ARMC9: variants seen among roughly 807,000 people sequenced by gnomAD.
ARMC9 encodes armadillo repeat containing 9.
Under a neutral mutation model 107.0 loss-of-function variants are expected in ARMC9, and 94 were observed. The observed-to-expected ratio is 0.88, with a 90% CI of 0.74 to 1.04. ARMC9 has a LOEUF of 1.04. Ranked by LOEUF, ARMC9 falls within the 50% of genes least tolerant of loss-of-function variation. ARMC9 has a pLI of 0.00. For missense variants in ARMC9, 942 were observed against 1,030.1 expected, an observed-to-expected ratio of 0.91 and a Z score of 1.17; for synonymous variants, 380 against 396.9, an observed-to-expected ratio of 0.96 and a Z score of 0.51.
chr2:231,339,067 C>T (rs892987982), intron 20 of ARMC9, among the ~76,000 whole-genome samples: 7 of 152,114 alleles, frequency 4.6e-5, no homozygotes, highest in Admixed American at 6.5e-5. Context: ...TGGTGGCTCA[C>T]GCCTGTAATC....
chr2:231,359,090 T>G (rs1466838755), intron 22 of ARMC9, among the ~76,000 whole-genome samples: 2 of 146,848 alleles, frequency 1.4e-5, no homozygotes, highest in East Asian at 3.9e-4. Flanking sequence ...CTGTTTTTTT[T>G]TTTTTTTTTT....
chr2:231,227,479 A>G lies in ARMC9; in HGVS notation c.622+681A>G, dbSNP rs537151838. Among the ~76,000 whole-genome samples, 4 of 152,368 alleles carry G rather than the reference A, an allele frequency of 2.6e-5. No homozygotes were observed. In the East Asian group the frequency reaches 7.7e-4, roughly 29 times the overall value. On this transcript the variant is annotated intron_variant, in intron 7 of 24. Coordinates refer to ENST00000611582, the MANE Select transcript of ARMC9 (RefSeq NM_001352754.2). The stretch of plus-strand genomic sequence containing the variant: ...CATCCCTCTGGTGAGTATTGATGGC[A>G]TAACCCTCAGTTCCCAGTAGGTGGA...
At chr2:231,351,756 G>C (rs1412550925) in intron 21 of ARMC9, among the ~76,000 whole-genome samples, 1 of 151,964 alleles carries the variant, frequency 6.6e-6, no homozygotes, top group African/African-American at 2.4e-5. Flanking sequence ...TGCCATTTCT[G>C]ACATTCGTTT....
chr2:231,308,373 G>A (rs1282716057), intron 19 of ARMC9, among the ~76,000 whole-genome samples: 1 of 152,194 alleles, frequency 6.6e-6, no homozygotes, highest in African/African-American at 2.4e-5. Context: ...GTAGCTGGTG[G>A]GACAGAGATT....
At chr2:231,327,980 T>TC (rs1204558567) in intron 19 of ARMC9, among the ~76,000 whole-genome samples, 1 of 152,154 alleles carries the variant, frequency 6.6e-6, no homozygotes, top group Non-Finnish European at 1.5e-5. Flanking sequence ...AGACGGTGTT[T>TC]CGCCATGTTG....
intron 17 of ARMC9, among the ~76,000 whole-genome samples, chr2:231,283,662 T>G (rs1045238446): frequency 6.6e-6 from 1 of 152,126 alleles, no homozygotes; most frequent in African/African-American, 2.4e-5. Context: ...GCTCCTAACC[T>G]CAAGTGATCC....
At chr2:231,311,880 A>T (rs1394532776) in intron 19 of ARMC9, among the ~76,000 whole-genome samples, 2 of 151,950 alleles carry the variant, frequency 1.3e-5, no homozygotes, top group Non-Finnish European at 2.9e-5. Context: ...GATTCACCCA[A>T]TCCCAGCCTG....
intron 7 of ARMC9, among the ~76,000 whole-genome samples, chr2:231,227,717 C>T (rs2034781444): frequency 6.6e-6 from 1 of 152,210 alleles, no homozygotes. Flanking sequence ...GGTTTGTCAA[C>T]CTCAGGGAGA....
intron 1 of ARMC9, 68 bp from the exon 2 acceptor site, chr2:231,206,130 C>T (rs2031952717): frequency 7.1e-6 from 7 of 984,278 alleles, no homozygotes; most frequent in Non-Finnish European, 9.8e-6. Context: ...CTGCTCACCA[C>T]AACCACCTTT....
At chr2:231,357,683 C>T (rs2045399459) in intron 22 of ARMC9, among the ~76,000 whole-genome samples, 1 of 152,200 alleles carries the variant, frequency 6.6e-6, no homozygotes, top group East Asian at 1.9e-4. Flanking sequence ...AGCGATCCTC[C>T]CGCATCAGCT....
intron 16 of ARMC9, among the ~76,000 whole-genome samples, chr2:231,279,942 A>G (rs1407652923): frequency 6.6e-6 from 1 of 152,158 alleles, no homozygotes; most frequent in Non-Finnish European, 1.5e-5. Flanking sequence ...TTCATTTTAT[A>G]TTTTAAAGCT....
chr2:231,293,169 A>G (rs2041136227), intron 18 of ARMC9, among the ~76,000 whole-genome samples: 1 of 152,328 alleles, frequency 6.6e-6, no homozygotes, highest in Middle Eastern at 3.4e-3. Flanking sequence ...AATTCATCCC[A>G]AATTCAGGTG....
intron 20 of ARMC9, among the ~76,000 whole-genome samples, chr2:231,337,457 C>T (rs1189647470): frequency 5.5e-5 from 8 of 144,626 alleles, no homozygotes; most frequent in Admixed American, 2.0e-4. Flanking sequence ...CCACCACGCC[C>T]GGCTAATTTT....
At chr2:231,225,902 G>A (rs2034596531) in intron 6 of ARMC9, among the ~76,000 whole-genome samples, 1 of 152,216 alleles carries the variant, frequency 6.6e-6, no homozygotes, top group Non-Finnish European at 1.5e-5. Flanking sequence ...TGTCACCCAT[G>A]CTGGAGTGAA....
chr2:231,319,169 T>C (rs150666181), intron 19 of ARMC9, among the ~76,000 whole-genome samples: 117 of 152,240 alleles, frequency 7.7e-4, no homozygotes, highest in African/African-American at 2.7e-3. Flanking sequence ...GTTTACTAAT[T>C]TACAGTGAGA....
Position 231,235,346 on chromosome 2 carries a change from G to A in ARMC9, c.745G>A (p.Val249Met), listed in dbSNP as rs147006089. Residue 249 changes from valine (V) to methionine (M), a missense_variant, in exon 8 of 25, where the codon GTG becomes ATG. Val to Met is a conservative substitution (Grantham distance 21). Coordinates refer to ENST00000611582, the MANE Select transcript of ARMC9 (RefSeq NM_001352754.2). ...TCTCATTGGAGTCACAGCAGAGCTG[G>A]TGGATTCTCTAGAGGCCACAGTCAG... ...HNLIGVTAEL[V>M]DSLEATVSGK... The A allele has an allele frequency of 2.5e-6, 4 of 1,614,094 alleles. No homozygotes were observed. The African/African-American group carries it at 4.0e-5, about 16-fold the overall frequency.
In ARMC9 at chr2:231,278,376, CCA is replaced by C; in HGVS notation, c.1475-5_1475-4del. 1 of 1,613,958 alleles carries C rather than the reference CCA, an allele frequency of 6.2e-7. No homozygotes were observed. Among genetic ancestry groups the C allele is most frequent in the Non-Finnish European group, 8.5e-7 (1 of 1,179,888 alleles). ...GTCATGTTTAGCTTTGATTTGTTTC[CCA>C]TAGGGAAGAACATGTGTGCCAAGGT... On this transcript the variant is annotated splice_polypyrimidine_tract_variant and splice_region_variant and intron_variant, in intron 15 of 24. Coordinates refer to ENST00000611582, the MANE Select transcript of ARMC9 (RefSeq NM_001352754.2).
Position 231,360,022 on chromosome 2 carries a change from C to T in ARMC9, c.2132-732C>T, listed in dbSNP as rs113891321. ...AGCCTCTGTCACAGTGTCGCTGCAG[C>T]AGTGACATGGACCCCTTCAGCTGTA... is the stretch of plus-strand genomic sequence containing the variant. On this transcript the variant is annotated intron_variant, in intron 22 of 24. Coordinates refer to ENST00000611582, the MANE Select transcript of ARMC9 (RefSeq NM_001352754.2). This position sits in a 1 kb window ranked among gnomAD's most constrained non-coding sequence, Gnocchi z 4.7. Among the ~76,000 whole-genome samples the T allele has an allele frequency of 4.6e-5, 7 of 152,254 alleles. No individual in the cohort carries two copies. The highest frequency in any genetic ancestry group is 1.7e-4 in the African/African-American group (7 of 41,552).
At chr2:231,240,807 C>G (rs1210933724) in intron 9 of ARMC9, among the ~76,000 whole-genome samples, 3 of 152,184 alleles carry the variant, frequency 2.0e-5, no homozygotes, top group African/African-American at 7.2e-5. Flanking sequence ...GTTGGCACAG[C>G]TCTTAGCCTC....
Sources: allele counts gnomAD v4.1 joint callset (sites outside exome capture counted in the v4.1 genomes callset), GRCh38; gene constraint gnomAD v4.1.1; non-coding constraint Gnocchi (gnomAD v3.1); transcripts MANE v1.5; gene names NCBI Gene and HGNC (gene_info 2026-07-23, HGNC 2026-07-21).